RBMS3: variants seen among roughly 807,000 people sequenced by gnomAD.
The protein encoded by RBMS3 is RNA binding motif single stranded interacting protein 3.
Under a neutral mutation model 66.8 loss-of-function variants are expected in RBMS3, and 27 were observed. The observed-to-expected ratio is 0.40, with a 90% CI of 0.30 to 0.56. The LOEUF (loss-of-function observed/expected upper bound fraction) is 0.56. RBMS3 is among the 20% of genes least tolerant of loss of function. The pLI is 0.40. For missense variants in RBMS3, 513 were observed against 549.5 expected, an observed-to-expected ratio of 0.93 and a Z score of 0.66; for synonymous variants, 188 against 183.0, an observed-to-expected ratio of 1.03 and a Z score of -0.22.
At chr3:29,670,725 G>A (rs931231208) in intron 4 of RBMS3, among the ~76,000 whole-genome samples, 1 of 152,208 alleles carries the variant, frequency 6.6e-6, no homozygotes, top group Non-Finnish European at 1.5e-5. Flanking sequence ...CACTGCTGAG[G>A]CTTGAGTAGG....
At chr3:29,914,842 T>C (rs2060599381) in intron 10 of RBMS3, among the ~76,000 whole-genome samples, 1 of 151,924 alleles carries the variant, frequency 6.6e-6, no homozygotes, top group African/African-American at 2.4e-5. Flanking sequence ...CATGAAAAGC[T>C]GTTTCATTTC....
At chr3:29,665,077 T>A (rs1382069998) in intron 4 of RBMS3, among the ~76,000 whole-genome samples, 1 of 151,728 alleles carries the variant, frequency 6.6e-6, no homozygotes, top group Non-Finnish European at 1.5e-5. Context: ...GCTAAAGGAG[T>A]GTATATAATA....
At chr3:29,938,323 T>C (rs1213125713) in intron 11 of RBMS3, among the ~76,000 whole-genome samples, 1 of 151,992 alleles carries the variant, frequency 6.6e-6, no homozygotes, top group Non-Finnish European at 1.5e-5. Context: ...TAACATTCTC[T>C]TTCTTAGAGA....
intron 6 of RBMS3, among the ~76,000 whole-genome samples, chr3:29,804,371 C>G (rs1364354873): frequency 6.6e-6 from 1 of 151,906 alleles, no homozygotes; most frequent in Non-Finnish European, 1.5e-5. Flanking sequence ...ATAATTAGCT[C>G]TATAATATAT....
rs143017942 is a variant in RBMS3 at position 29,768,845 on chromosome 3, C to T, written c.637+5856C>T. 4.3e-3 allele frequency among the ~76,000 whole-genome samples: 651 copies of T among 152,032 alleles called. 6 individuals are homozygous for T. The highest frequency in any genetic ancestry group is 0.015 in the African/African-American group (605 of 41,512). ...TTCCTTTATTAGCATTTTCCCCCTTCCCTGTCTTTTCCTTTTCTATCATCT... is the reference window on the plus strand; with the variant it reads ...TTCCTTTATTAGCATTTTCCCCCTTTCCTGTCTTTTCCTTTTCTATCATCT... On this transcript the variant is annotated intron_variant, in intron 6 of 14. Transcript: ENST00000383767.
At chr3:29,841,029 G>A (rs185632316) in intron 6 of RBMS3, among the ~76,000 whole-genome samples, 1,777 of 151,832 alleles carry the variant, frequency 0.012, 17 homozygotes, top group Non-Finnish European at 0.02. Flanking sequence ...AAATTTATAT[G>A]CTCTGCCAAG....
chr3:29,686,330 C>T (rs2051732357), intron 4 of RBMS3, among the ~76,000 whole-genome samples: 1 of 152,138 alleles, frequency 6.6e-6, no homozygotes, highest in Admixed American at 6.5e-5. Context: ...TACTGTGTCT[C>T]TGAAGGGCTT....
chr3:29,737,029 T>A (rs1411116132), intron 4 of RBMS3, among the ~76,000 whole-genome samples: 1 of 151,936 alleles, frequency 6.6e-6, no homozygotes, highest in East Asian at 1.9e-4. Flanking sequence ...CAGGCTGGAG[T>A]GCAGTGGCAT....
chr3:29,419,827 A>G (rs2040628611), intron 1 of RBMS3, among the ~76,000 whole-genome samples: 1 of 152,206 alleles, frequency 6.6e-6, no homozygotes. Flanking sequence ...TGAACTTCAC[A>G]AGCTATTATT....
intron 3 of RBMS3, among the ~76,000 whole-genome samples, chr3:29,501,920 G>A (rs986777688): frequency 3.9e-5 from 6 of 151,954 alleles, no homozygotes; most frequent in South Asian, 2.1e-4. Context: ...AAAATGGTTC[G>A]CGGTAGTTAT....
chr3:29,689,083 CTATATACCTAT>C (rs2051860949), intron 4 of RBMS3, among the ~76,000 whole-genome samples: 1 of 151,480 alleles, frequency 6.6e-6, no homozygotes, highest in Admixed American at 6.6e-5. Context: ...GTACCTATTT[CTATATACCTAT>C]ATAGAAATAG....
Position 29,985,976 on chromosome 3 carries a change from G to A in RBMS3, c.1099-2167G>A, listed in dbSNP as rs754797499. ...GAATTTCTTCTTAGAGATGTAGAGAGTGGAGTGGGGATGGACCAGAGTAGT... is the reference window on the plus strand; with the variant it reads ...GAATTTCTTCTTAGAGATGTAGAGAATGGAGTGGGGATGGACCAGAGTAGT... On this transcript the variant is annotated intron_variant, in intron 12 of 14. Transcript: ENST00000383767. 2.0e-5 allele frequency among the ~76,000 whole-genome samples: 3 copies of A among 152,310 alleles called. No individual in the cohort carries two copies. The South Asian group carries it at 6.2e-4, about 32-fold the overall frequency.
intron 3 of RBMS3, among the ~76,000 whole-genome samples, chr3:29,549,509 C>G (rs1459978916): frequency 6.6e-6 from 1 of 151,544 alleles, no homozygotes; most frequent in African/African-American, 2.4e-5. Context: ...AAGCAACTCT[C>G]CTGTCTCAGC....
intron 12 of RBMS3, among the ~76,000 whole-genome samples, chr3:29,971,079 G>A: frequency 6.6e-6 from 1 of 150,922 alleles, no homozygotes; most frequent in Non-Finnish European, 1.5e-5. Context: ...CACTTCTCCA[G>A]CTCCTCCAGT....
At chr3:29,980,108 G>C (rs4680864) in intron 12 of RBMS3, among the ~76,000 whole-genome samples, 26,352 of 152,054 alleles carry the variant, frequency 0.17, 2,683 homozygotes, top group East Asian at 0.34. Context: ...TGTTTCATGA[G>C]TTGTTAATGA....
intron 6 of RBMS3, among the ~76,000 whole-genome samples, chr3:29,777,062 T>C (rs1401167912): frequency 6.6e-6 from 1 of 151,884 alleles, no homozygotes; most frequent in East Asian, 1.9e-4. Flanking sequence ...TGTAAAGTTT[T>C]CCCAGCATAT....
At position 29,884,163 on chromosome 3, in the gene RBMS3, C is replaced by G; in HGVS notation, c.746C>G (p.Ala249Gly). 1 of 1,611,526 alleles carries G rather than the reference C, an allele frequency of 6.2e-7. No individual in the cohort carries two copies. The highest frequency in any genetic ancestry group is 8.5e-7 in the Non-Finnish European group (1 of 1,178,280). The change falls in exon 8 of 15, where the codon GCT (alanine) becomes GGT (glycine). Residue 249 changes from alanine (A) to glycine (G), a missense_variant and splice_region_variant. Ala to Gly is a moderately conservative substitution (Grantham distance 60). Transcript: ENST00000383767. ...CTTCCCTCTTCATCCTATATACAGGCTGGCATGGCTTTGACCTATGACCCC... is the reference window on the plus strand; with the variant it reads ...CTTCCCTCTTCATCCTATATACAGGGTGGCATGGCTTTGACCTATGACCCC... ...NGRPWPREGE[A>G]GMALTYDPTA...
In RBMS3 at chr3:30,004,126, C is replaced by CAAA; in HGVS notation, c.*268_*270dup. On this transcript the variant is annotated 3_prime_UTR_variant, in exon 15 of 15. Coordinates refer to ENST00000383767, the MANE Select transcript of RBMS3 (RefSeq NM_001003793.3). The stretch of plus-strand genomic sequence containing the variant: ...TTTCCAGAAGAGGAAAAAAAAACTA[C>CAAA]AAAAAACAAAACATTGAAGGTTGAT... 1 of 288,972 alleles carries CAAA rather than the reference C, an allele frequency of 3.5e-6. No homozygotes were observed. Among genetic ancestry groups the CAAA allele is most frequent in the African/African-American group, 2.3e-5 (1 of 44,368 alleles). 17.9% of individuals were successfully genotyped at this position (288,972 alleles called of 1,614,324 possible). A position where few individuals can be genotyped will look rare whatever the true frequency, so the allele number is the denominator to read the frequency against.
intron 6 of RBMS3, among the ~76,000 whole-genome samples, chr3:29,859,915 C>A (rs1366508118): frequency 6.6e-6 from 1 of 152,084 alleles, no homozygotes; most frequent in Non-Finnish European, 1.5e-5. Context: ...CACATACACA[C>A]TCTGGTAGGC....
Sources: gnomAD v4.1 joint callset for allele counts (sites outside exome capture counted in the v4.1 genomes callset) on GRCh38, gnomAD v4.1.1 for gene constraint, MANE v1.5 for transcripts, NCBI Gene and HGNC (gene_info 2026-07-23, HGNC 2026-07-21) for gene names.